The following PLCD1 variants were observed in gnomAD, a reference collection of about 807,000 sequenced individuals.
The protein encoded by PLCD1 is 1-phosphatidylinositol 4,5-bisphosphate phosphodiesterase delta-1.
A neutral mutation model predicts 87.4 loss-of-function variants in PLCD1; 71 were observed. That is an observed-to-expected ratio of 0.81 (90% CI 0.67 to 0.99). PLCD1 has a LOEUF of 0.99. PLCD1 is among the 50% of genes least tolerant of loss of function. PLCD1 has a pLI of 0.00. For synonymous variants in PLCD1, 348 were observed against 399.2 expected (o/e 0.87, Z 1.53); for missense variants, 867 against 1,001.5 (o/e 0.87, Z 1.81).
In PLCD1 at chr3:38,025,944, A is replaced by G. The variant is rs1700303847; in HGVS notation, c.34+3562T>C. 6.6e-6 allele frequency among the ~76,000 whole-genome samples: 1 copy of G among 152,244 alleles called. No homozygotes were observed. The highest frequency in any genetic ancestry group is 2.1e-4 in the South Asian group (1 of 4,830). The stretch of plus-strand genomic sequence containing the variant: ...GGCACAGACAAGCACAGCAGTAATA[A>G]CAAGAAACTGAAGCGCAGAGTAACT... On this transcript the variant is annotated intron_variant, in intron 1 of 14. Coordinates refer to ENST00000334661, the MANE Select transcript of PLCD1 (RefSeq NM_006225.4). This position sits in a 1 kb window ranked among gnomAD's most constrained non-coding sequence, Gnocchi z 4.0.
In PLCD1 at chr3:38,017,130, T is replaced by C. The variant is rs1700170533; in HGVS notation, c.200-411A>G. 6.6e-6 allele frequency among the ~76,000 whole-genome samples: 1 copy of C among 151,972 alleles called. No homozygotes were observed. The highest frequency in any genetic ancestry group is 2.4e-5 in the African/African-American group (1 of 41,378). On this transcript the variant is annotated intron_variant, in intron 2 of 14. Coordinates refer to ENST00000334661, the MANE Select transcript of PLCD1 (RefSeq NM_006225.4). This position sits in a 1 kb window ranked among gnomAD's most constrained non-coding sequence, Gnocchi z 4.7. ...TCTTAGAGATGCGGACAGACCACTC[T>C]GGAGTGTGGGGCCCATGACAGAGAA... is the stretch of plus-strand genomic sequence containing the variant.
chr3:38,024,776 G>A (rs1207752235), intron 1 of PLCD1: 1 of 1,287,998 alleles, frequency 7.8e-7, no homozygotes, highest in South Asian at 1.4e-5. Context: ...ACAGGAGGCG[G>A]GACGAGAAGA....
chr3:38,027,668 G>A (rs1174376425), intron 1 of PLCD1, among the ~76,000 whole-genome samples: 1 of 152,202 alleles, frequency 6.6e-6, no homozygotes, highest in Non-Finnish European at 1.5e-5. Context: ...GCCAGAGAGT[G>A]TGGTCCTGCA....
In PLCD1 at chr3:38,009,091, G is replaced by T; in HGVS notation, c.1674C>A (p.Asp558Glu). ...TCTCCACGGGGCTGTAGTTGGAGGA[G>T]TCTGTTCTCCATCCAGCCGGGTAGA... ...SRIYPAGWRT[D>E]SSNYSPVEMW... Residue 558 changes from aspartate to glutamate, a missense_variant, in exon 11 of 15, where the codon GAC becomes GAA. By Grantham distance (45) the Asp-to-Glu change is conservative. Transcript: ENST00000334661. The T allele has an allele frequency of 1.2e-6, 2 of 1,613,964 alleles. No individual in the cohort carries two copies. Among genetic ancestry groups the T allele is most frequent in the South Asian group, 2.2e-5 (2 of 91,064 alleles).
chr3:38,011,918 T>A (rs982614753), intron 3 of PLCD1, among the ~76,000 whole-genome samples: 2 of 152,174 alleles, frequency 1.3e-5, no homozygotes, highest in African/African-American at 4.8e-5. Context: ...GGGCCCACTG[T>A]AGACAATTTA....
chr3:38,016,415 T>C, intron 3 of PLCD1, 76 bp downstream of exon 3: 3 of 955,000 alleles, frequency 3.1e-6, no homozygotes, highest in Non-Finnish European at 5.0e-6. Flanking sequence ...CCAGCTTCCA[T>C]ACCCAAGTTG....
At position 38,008,487 on chromosome 3, in the gene PLCD1, A is replaced by G. The variant is rs887621587; in HGVS notation, c.1873T>C (p.Trp625Arg). 7 of 1,614,056 alleles carry G rather than the reference A, an allele frequency of 4.3e-6. No homozygotes were observed. The Admixed American group carries it at 5.0e-5, about 12-fold the overall frequency. The change falls in exon 12 of 15, where the codon TGG (tryptophan) becomes CGG (arginine). Residue 625 changes from tryptophan (W) to arginine (R), a missense_variant. Coordinates refer to ENST00000334661, the MANE Select transcript of PLCD1 (RefSeq NM_006225.4). ...ATGTTGAGCCGCTTCCGTGCCCACC[A>G]GGGCCCCTGAGCCAGGGCGCGGGGG... ...FNPRALAQGP[W>R]WARKRLNIRV...
chr3:38,026,387 C>A (rs1030137042), intron 1 of PLCD1, among the ~76,000 whole-genome samples: 5 of 152,122 alleles, frequency 3.3e-5, no homozygotes, highest in African/African-American at 1.2e-4. Context: ...GGCGTGGCGG[C>A]CGGCACCTGT....
chr3:38,024,357 G>T, intron 1 of PLCD1: 5 of 1,612,888 alleles, frequency 3.1e-6, no homozygotes, highest in Non-Finnish European at 4.2e-6. Context: ...TCCATTGAGC[G>T]CCGCCACCTT....
At chr3:38,021,111 C>T (rs1450720856) in intron 1 of PLCD1, among the ~76,000 whole-genome samples, 16 of 152,220 alleles carry the variant, frequency 1.1e-4, no homozygotes, top group Admixed American at 6.5e-5. Flanking sequence ...GCTGTGGGAC[C>T]CCTATGCCCA....
At chr3:38,023,833 C>T (rs1700268408) in intron 1 of PLCD1, among the ~76,000 whole-genome samples, 2 of 151,140 alleles carry the variant, frequency 1.3e-5, no homozygotes. Context: ...CACTTTGTTT[C>T]ACAACATTAC....
At position 38,007,851 on chromosome 3, in the gene PLCD1, G is replaced by A; in HGVS notation, c.2193C>T (p.Arg731=). Residue 731 remains arginine (R), a synonymous_variant, in exon 15 of 15, where the codon CGC becomes CGT. Transcript: ENST00000334661. Reference sequence around the variant, plus strand: ...CGTTCTTAGACATGAGGTGGACATGGCGGTATCCTGGTGGGTGGACAGGCA... The same window carrying A: ...CGTTCTTAGACATGAGGTGGACATGACGGTATCCTGGTGGGTGGACAGGCA... ...IPLNSLKQGY[R]HVHLMSKNGD... is the part of the protein sequence containing the mutation. The A allele has an allele frequency of 2.5e-6, 4 of 1,614,106 alleles. No individual in the cohort carries two copies. Among genetic ancestry groups the A allele is most frequent in the Non-Finnish European group, 3.4e-6 (4 of 1,179,912 alleles).
intron 10 of PLCD1, 30 bp downstream of exon 10, chr3:38,009,242 G>A (rs745599465): frequency 2.3e-5 from 37 of 1,613,692 alleles, no homozygotes; most frequent in Non-Finnish European, 3.0e-5. Context: ...CTGTAACAGA[G>A]CAGGGGAGTG....
intron 1 of PLCD1, among the ~76,000 whole-genome samples, chr3:38,022,442 A>G (rs1171250449): frequency 6.6e-6 from 1 of 152,192 alleles, no homozygotes; most frequent in African/African-American, 2.4e-5. Context: ...ACCCTCTGCC[A>G]GCACCCCACC....
chr3:38,028,703 G>A (rs902529062), intron 1 of PLCD1, among the ~76,000 whole-genome samples: 1 of 152,152 alleles, frequency 6.6e-6, no homozygotes, highest in Non-Finnish European at 1.5e-5. Context: ...TGCCTGTCCT[G>A]GAGCAAAGAG....
rs1391778873 is a variant in PLCD1 at position 38,008,251 on chromosome 3, A to G, written c.2019T>C (p.Ala673=). Reference sequence around the variant, plus strand: ...AGCACCTACCATTGTTGGTGATGACAGCAGTCTGGCGGCTGGCCACGTCCC... The same window carrying G: ...AGCACCTACCATTGTTGGTGATGACGGCAGTCTGGCGGCTGGCCACGTCCC... ...VSRDVASRQT[A]VITNNGFNPW... is the part of the protein sequence containing the mutation. The change falls in exon 13 of 15, where the codon GCT becomes GCC. Residue 673 remains alanine (A), a synonymous_variant. Transcript: ENST00000334661. 6.2e-7 allele frequency: 1 copy of G among 1,614,056 alleles called. No individual in the cohort carries two copies.
At chr3:38,021,843 A>T (rs1700238027) in intron 1 of PLCD1, among the ~76,000 whole-genome samples, 1 of 152,036 alleles carries the variant, frequency 6.6e-6, no homozygotes, top group Non-Finnish European at 1.5e-5. Context: ...CTGAGCCCAG[A>T]TCCCCAACAA....
chr3:38,025,085 G>A lies in PLCD1; in HGVS notation c.34+4421C>T, dbSNP rs1700293816. ...GGCGGAGCTCAGGCCGGGAGCCTCT[G>A]CTCCAGAGGCGACGTGGAGGCAGAG... On this transcript the variant is annotated intron_variant, in intron 1 of 14. Coordinates refer to ENST00000334661, the MANE Select transcript of PLCD1 (RefSeq NM_006225.4). The surrounding 1 kb of genome is among the most constrained non-coding windows in gnomAD (Gnocchi z 4.0). 6.6e-6 allele frequency among the ~76,000 whole-genome samples: 1 copy of A among 152,018 alleles called. No individual in the cohort carries two copies.
At position 38,017,694 on chromosome 3, in the gene PLCD1, T is replaced by C. The variant is rs1490137150; in HGVS notation, c.200-975A>G. On this transcript the variant is annotated intron_variant, in intron 2 of 14. Coordinates refer to ENST00000334661, the MANE Select transcript of PLCD1 (RefSeq NM_006225.4). The surrounding 1 kb of genome is among the most constrained non-coding windows in gnomAD (Gnocchi z 4.7). ...CTCCATCCTGAGCCATCCTCATCCA[T>C]CTGTCCTGGCTCCTAGACGGTTCTA... Among the ~76,000 whole-genome samples the C allele has an allele frequency of 6.6e-6, 1 of 152,172 alleles. No individual in the cohort carries two copies. Among genetic ancestry groups the C allele is most frequent in the Non-Finnish European group, 1.5e-5 (1 of 68,010 alleles).
Sources: gnomAD v4.1 joint callset for allele counts (sites outside exome capture counted in the v4.1 genomes callset) on GRCh38, gnomAD v4.1.1 for gene constraint, Gnocchi (gnomAD v3.1) non-coding constraint, MANE v1.5 for transcripts, NCBI Gene and HGNC (gene_info 2026-07-23, HGNC 2026-07-21) for gene names.